Variants in ZAP70 observed in about 807,000 individuals in gnomAD.
ZAP70 encodes tyrosine-protein kinase ZAP-70.
A neutral mutation model predicts 65.8 loss-of-function variants in ZAP70; 27 were observed. The ratio of observed to expected loss-of-function variants is 0.41; its 90% CI spans 0.30 to 0.57. The LOEUF is 0.57. Among genes scored for constraint, ZAP70 ranks in the 20% least tolerant of loss-of-function variants. The pLI is 0.28. For missense variants in ZAP70, 696 were observed against 870.5 expected (o/e 0.80, Z 2.52); for synonymous variants, 363 against 360.8 (o/e 1.01, Z -0.07).
In ZAP70 at chr2:97,737,522, A is replaced by C; in HGVS notation, c.1339A>C (p.Met447Leu). The change falls in exon 11 of 14, where the codon ATG becomes CTG. Residue 447 changes from methionine to leucine, a missense_variant. Met to Leu is a conservative substitution (Grantham distance 15, BLOSUM62 2). Around this residue, in one of 3 missense-constraint regions of ZAP70, gnomAD observed 551 missense variants for 630.0 expected, o/e 0.87. Coordinates refer to ENST00000264972, the MANE Select transcript of ZAP70 (RefSeq NM_001079.4). This position sits in a 1 kb window ranked among gnomAD's most constrained non-coding sequence, Gnocchi z 5.0. ...NVAELLHQVS[M>L]GMKYLEEKNF... is the part of the protein sequence containing the mutation. ...GGCCGAGCTGCTGCACCAGGTGTCC[A>C]TGGGGATGAAGTACCTGGAGGAGAA... 1.2e-6 allele frequency: 2 copies of C among 1,614,086 alleles called. No individual in the cohort carries two copies. Among genetic ancestry groups the C allele is most frequent in the Non-Finnish European group, 1.7e-6 (2 of 1,179,962 alleles).
the ZAP70 span, among the ~76,000 whole-genome samples, chr2:97,746,266 GTGAA>G: frequency 6.6e-6 from 1 of 152,194 alleles, no homozygotes; most frequent in African/African-American, 2.4e-5. Context: ...GCACAACACT[GTGAA>G]TGTAATTGAC....
rs908957903 is a variant in ZAP70, at chr2:97,737,240, C to T, written c.1290-233C>T. 1.3e-5 allele frequency among the ~76,000 whole-genome samples: 2 copies of T among 152,076 alleles called. No individual in the cohort carries two copies. The highest frequency in any genetic ancestry group is 2.1e-4 in the South Asian group (1 of 4,818). Reference sequence around the variant, plus strand: ...CAGGCATAGGTCTAGACTTGGGAGTCGTAGCGTGTGGGTGATCCCTAAAGC... The same window carrying T: ...CAGGCATAGGTCTAGACTTGGGAGTTGTAGCGTGTGGGTGATCCCTAAAGC... On this transcript the variant is annotated intron_variant, in intron 10 of 13. Transcript: ENST00000264972. The surrounding 1 kb of genome is among the most constrained non-coding windows in gnomAD (Gnocchi z 5.0).
At chr2:97,719,119 G>A (rs571331445) in intron 2 of ZAP70, among the ~76,000 whole-genome samples, 8 of 152,268 alleles carry the variant, frequency 5.3e-5, no homozygotes, top group Admixed American at 2.0e-4. Context: ...TGCAGACTCT[G>A]GGGCTCAGCT....
At chr2:97,747,490 T>C in the ZAP70 span, among the ~76,000 whole-genome samples, 1 of 152,152 alleles carries the variant, frequency 6.6e-6, no homozygotes, top group Non-Finnish European at 1.5e-5. Context: ...TGTGATTCTA[T>C]TTATATGAAG....
downstream of ZAP70, among the ~76,000 whole-genome samples, chr2:97,742,180 T>TTA (rs1335192866): frequency 6.6e-6 from 1 of 152,206 alleles, no homozygotes; most frequent in East Asian, 1.9e-4. Context: ...AACATCCTCT[T>TTA]TGTTTCATAT....
the ZAP70 span, among the ~76,000 whole-genome samples, chr2:97,745,840 A>G: frequency 1.3e-5 from 2 of 152,372 alleles, no homozygotes; most frequent in South Asian, 4.1e-4. Context: ...ACAAGGTCTC[A>G]GATAATAGTA....
At chr2:97,721,640 G>C (rs530213172) in intron 2 of ZAP70, among the ~76,000 whole-genome samples, 3 of 131,348 alleles carry the variant, frequency 2.3e-5, no homozygotes, top group Non-Finnish European at 4.7e-5. Flanking sequence ...CACTGTGTTA[G>C]CCAGGATGGT....
intron 8 of ZAP70, chr2:97,734,197 G>C: frequency 2.2e-6 from 1 of 459,628 alleles, no homozygotes; most frequent in Non-Finnish European, 3.7e-6. Flanking sequence ...ACGCAGACAG[G>C]GACGGGCCCG....
the ZAP70 span, among the ~76,000 whole-genome samples, chr2:97,749,173 C>A: frequency 6.6e-6 from 1 of 152,040 alleles, no homozygotes; most frequent in Non-Finnish European, 1.5e-5. Context: ...CCAAGCCCGG[C>A]TAATTTTTTG....
At position 97,725,157 on chromosome 2, in the gene ZAP70, G is replaced by GGCCCACGAGCGGAT; in HGVS notation, c.473_486dup (p.Trp163ThrfsTer11). The GGCCCACGAGCGGAT allele has an allele frequency of 2.5e-6, 4 of 1,614,136 alleles. No homozygotes were observed. Among genetic ancestry groups the GGCCCACGAGCGGAT allele is most frequent in the East Asian group, 2.2e-5 (1 of 44,870 alleles). ...AGGTGGAGAAGCTCATTGCTACGAC[G>GGCCCACGAGCGGAT]GCCCACGAGCGGATGCCCTGGTACC... On this transcript the variant is annotated frameshift_variant, in exon 4 of 14. Transcript: ENST00000264972. LOFTEE classifies it high-confidence loss of function.
Position 97,739,564 on chromosome 2 carries a change from T to A in ZAP70, c.*66T>A. On this transcript the variant is annotated 3_prime_UTR_variant, in exon 14 of 14. Coordinates refer to ENST00000264972, the MANE Select transcript of ZAP70 (RefSeq NM_001079.4). ...CCACCCTCAGCCCCACCCCAGGTCC[T>A]GCAGTCTGGCTGAGCCCTGCTTGGT... The A allele has an allele frequency of 3.8e-6, 6 of 1,570,916 alleles. No homozygotes were observed. Among genetic ancestry groups the A allele is most frequent in the Non-Finnish European group, 5.2e-6 (6 of 1,158,282 alleles).
intron 9 of ZAP70, 188 bp from the exon 10 acceptor site, chr2:97,735,062 G>A (rs996246356): frequency 4.1e-5 from 30 of 725,972 alleles, no homozygotes; most frequent in Non-Finnish European, 5.9e-5. Context: ...TGAGCGATCC[G>A]GCTGTGAGCC....
intron 4 of ZAP70, among the ~76,000 whole-genome samples, chr2:97,732,526 C>T (rs1677650102): frequency 6.6e-6 from 1 of 152,340 alleles, no homozygotes; most frequent in East Asian, 1.9e-4. Flanking sequence ...CGTGGATGGC[C>T]AACTGTTCAG....
intron 13 of ZAP70, among the ~76,000 whole-genome samples, chr2:97,739,028 G>T (rs2104708124): frequency 1.3e-5 from 2 of 152,248 alleles, no homozygotes; most frequent in Admixed American, 1.3e-4. Flanking sequence ...CCAGGTGCAT[G>T]CACAGAGCAT....
Position 97,733,213 on chromosome 2 carries a change from G to A in ZAP70, c.790+1G>A. ...AACAGCAGTGCCAGCAACGCCTCAG[G>A]TGACGGCAGCAGGCGGGCGGGCGGT... is the stretch of plus-strand genomic sequence containing the variant. On this transcript the variant is annotated splice_donor_variant, in intron 6 of 13. Coordinates refer to ENST00000264972, the MANE Select transcript of ZAP70 (RefSeq NM_001079.4). LOFTEE classifies it high-confidence loss of function. 1.2e-6 allele frequency: 2 copies of A among 1,613,134 alleles called. No homozygotes were observed. The highest frequency in any genetic ancestry group is 1.7e-6 in the Non-Finnish European group (2 of 1,179,630).
At chr2:97,751,932 A>C in the ZAP70 span, among the ~76,000 whole-genome samples, 1 of 152,358 alleles carries the variant, frequency 6.6e-6, no homozygotes, top group South Asian at 2.1e-4. Context: ...CATCCCCTCC[A>C]CCAAGCCCCA....
At position 97,735,659 on chromosome 2, in the gene ZAP70, G is replaced by A. The variant is rs556055122; in HGVS notation, c.1289+203G>A. Reference sequence around the variant, plus strand: ...CCTCAGTCCACCATTGCACCAGTGCGGTAATAACAGTGTCTACCTCCAGGG... The same window carrying A: ...CCTCAGTCCACCATTGCACCAGTGCAGTAATAACAGTGTCTACCTCCAGGG... On this transcript the variant is annotated intron_variant, in intron 10 of 13. Transcript: ENST00000264972. Among the ~76,000 whole-genome samples the A allele has an allele frequency of 1.4e-4, 21 of 152,360 alleles. No homozygotes were observed. In the South Asian group the frequency reaches 2.7e-3, roughly 20 times the overall value.
In ZAP70 at chr2:97,733,218, G is replaced by C; in HGVS notation, c.790+6G>C. On this transcript the variant is annotated splice_donor_region_variant and intron_variant, in intron 6 of 13. Transcript: ENST00000264972. ...CAGTGCCAGCAACGCCTCAGGTGAC[G>C]GCAGCAGGCGGGCGGGCGGTGGGCG... 6.2e-7 allele frequency: 1 copy of C among 1,612,520 alleles called. No individual in the cohort carries two copies.
intron 6 of ZAP70, 35 bp from the exon 7 acceptor site, chr2:97,733,262 G>A (rs766370265): frequency 1.2e-6 from 2 of 1,608,940 alleles, no homozygotes; most frequent in Non-Finnish European, 1.7e-6. Flanking sequence ...AGGAGACCTG[G>A]CCCCCAGCCC....
Sources: allele counts gnomAD v4.1 joint callset (sites outside exome capture counted in the v4.1 genomes callset), GRCh38; gene constraint gnomAD v4.1.1; regional missense constraint gnomAD v4.1.1; non-coding constraint Gnocchi (gnomAD v3.1); transcripts MANE v1.5; gene names NCBI Gene and HGNC (gene_info 2026-07-23, HGNC 2026-07-21).